The following ITGA8 variants were observed in gnomAD, a reference collection of about 807,000 sequenced individuals.
ITGA8 encodes integrin subunit alpha 8.
Under a neutral mutation model 142.3 loss-of-function variants are expected in ITGA8, and 91 were observed. The ratio of observed to expected loss-of-function variants is 0.64; its 90% CI spans 0.54 to 0.76. The LOEUF is 0.76. Ranked by LOEUF, ITGA8 falls within the 30% of genes least tolerant of loss-of-function variation. The pLI is 0.00. For synonymous variants in ITGA8, 505 were observed against 485.2 expected, an observed-to-expected ratio of 1.04 and a Z score of -0.54; for missense variants, 1,406 against 1,327.7, an observed-to-expected ratio of 1.06 and a Z score of -0.92.
intron 2 of ITGA8, among the ~76,000 whole-genome samples, chr10:15,690,037 G>A (rs903176796): frequency 2.6e-5 from 4 of 152,110 alleles, no homozygotes; most frequent in East Asian, 2.0e-4. Context: ...ACTCGAGCCC[G>A]TGCTTTGCCC....
chr10:15,552,584 T>C (rs1355717434), intron 26 of ITGA8, among the ~76,000 whole-genome samples: 1 of 152,274 alleles, frequency 6.6e-6, no homozygotes, highest in African/African-American at 2.4e-5. Context: ...GTACAGAATG[T>C]GCAGGTTTGT....
chr10:15,691,041 A>T (rs1834924284), intron 2 of ITGA8, among the ~76,000 whole-genome samples: 1 of 152,250 alleles, frequency 6.6e-6, no homozygotes, highest in African/African-American at 2.4e-5. Context: ...GCCTGGACAG[A>T]TATTTTATGA....
intron 25 of ITGA8, among the ~76,000 whole-genome samples, chr10:15,568,896 G>A (rs1428170391): frequency 6.6e-6 from 1 of 152,214 alleles, no homozygotes; most frequent in Non-Finnish European, 1.5e-5. Flanking sequence ...AAATTAGGAA[G>A]TATGTGGGAA....
chr10:15,594,284 T>C lies in ITGA8; in HGVS notation c.2212-1980A>G, dbSNP rs532837401. Among the ~76,000 whole-genome samples, 488 of 152,228 alleles carry C rather than the reference T, an allele frequency of 3.2e-3. 4 individuals are homozygous for C. Among genetic ancestry groups the C allele is most frequent in the African/African-American group, 0.011 (460 of 41,530 alleles). On this transcript the variant is annotated intron_variant, in intron 21 of 29. Coordinates refer to ENST00000378076, the MANE Select transcript of ITGA8 (RefSeq NM_003638.3). Reference sequence around the variant, plus strand: ...AAATCTTGGGACAGGAGATATCTCCTGCAATACATTCTCTGATTCTATGGG... The same window carrying C: ...AAATCTTGGGACAGGAGATATCTCCCGCAATACATTCTCTGATTCTATGGG...
At chr10:15,573,641 G>T (rs903564862) in intron 24 of ITGA8, among the ~76,000 whole-genome samples, 2 of 152,012 alleles carry the variant, frequency 1.3e-5, no homozygotes, top group Admixed American at 1.3e-4. Context: ...CTTTTGAAAA[G>T]GCTTTATTGT....
chr10:15,655,672 A>G (rs1426782663), intron 10 of ITGA8, among the ~76,000 whole-genome samples: 2 of 152,162 alleles, frequency 1.3e-5, no homozygotes, highest in South Asian at 2.1e-4. Flanking sequence ...GGACACAGCT[A>G]TCGGAATGTT....
intron 2 of ITGA8, among the ~76,000 whole-genome samples, chr10:15,699,968 C>G (rs1238942750): frequency 6.6e-6 from 1 of 152,066 alleles, no homozygotes; most frequent in East Asian, 1.9e-4. Context: ...CTGTGAAGTG[C>G]CAGTTTATAT....
At position 15,707,914 on chromosome 10, in the gene ITGA8, A is replaced by G. The variant is rs12245908; in HGVS notation, c.343+10852T>C. On this transcript the variant is annotated intron_variant, in intron 2 of 29. Coordinates refer to ENST00000378076, the MANE Select transcript of ITGA8 (RefSeq NM_003638.3). Reference sequence around the variant, plus strand: ...CATGTGGTAATTTGTCATAGTAGCAATGGAAAGCAAATGGCCTGCCCAAGC... The same window carrying G: ...CATGTGGTAATTTGTCATAGTAGCAGTGGAAAGCAAATGGCCTGCCCAAGC... 3.0e-3 allele frequency among the ~76,000 whole-genome samples: 450 copies of G among 151,986 alleles called. 4 individuals are homozygous for G. Among genetic ancestry groups the G allele is most frequent in the African/African-American group, 0.01 (435 of 41,460 alleles).
At chr10:15,519,536 A>G in intron 28 of ITGA8, 124 bp from the exon 29 acceptor site, 1 of 1,031,882 alleles carries the variant, frequency 9.7e-7, no homozygotes, top group Non-Finnish European at 1.5e-6. Flanking sequence ...GAAATCATCT[A>G]GGGGATATTT....
At chr10:15,517,980 T>C (rs1489764403) in intron 29 of ITGA8, among the ~76,000 whole-genome samples, 1 of 152,132 alleles carries the variant, frequency 6.6e-6, no homozygotes, top group Non-Finnish European at 1.5e-5. Flanking sequence ...TAGAAAGAAG[T>C]GAAGAGATGG....
intron 28 of ITGA8, among the ~76,000 whole-genome samples, chr10:15,522,171 GT>G: frequency 6.6e-6 from 1 of 152,258 alleles, no homozygotes; most frequent in East Asian, 1.9e-4. Flanking sequence ...ATCACTATAC[GT>G]TATGTGCACG....
intron 3 of ITGA8, among the ~76,000 whole-genome samples, chr10:15,685,329 G>A (rs1834815761): frequency 6.6e-6 from 1 of 152,150 alleles, no homozygotes; most frequent in Non-Finnish European, 1.5e-5. Context: ...GAAACAAAAT[G>A]TCCTATGCTT....
chr10:15,575,743 G>A, intron 23 of ITGA8, 149 bp from the exon 24 acceptor site: 1 of 624,558 alleles, frequency 1.6e-6, no homozygotes, highest in East Asian at 3.0e-5. Context: ...TGAAAGTGAT[G>A]TACAGTAGAA....
At chr10:15,685,112 A>G (rs973623926) in intron 3 of ITGA8, among the ~76,000 whole-genome samples, 31 of 152,358 alleles carry the variant, frequency 2.0e-4, no homozygotes, top group African/African-American at 7.5e-4. Flanking sequence ...CAAAGTCAGT[A>G]AGAGAGCATG....
chr10:15,586,909 A>G (rs1832842232), intron 22 of ITGA8, among the ~76,000 whole-genome samples: 1 of 152,118 alleles, frequency 6.6e-6, no homozygotes. Context: ...TACAATAGAT[A>G]TCTAAAGAAA....
At chr10:15,670,875 G>T (rs1036357156) in intron 8 of ITGA8, among the ~76,000 whole-genome samples, 1 of 152,088 alleles carries the variant, frequency 6.6e-6, no homozygotes, top group African/African-American at 2.4e-5. Context: ...CAGTCAAGCT[G>T]AGGTCCTTCA....
In ITGA8 at chr10:15,654,444, TAGAA is replaced by T. The variant is rs746226602; in HGVS notation, c.1001+906_1001+909del. ...AAGTTTATGTTCAATGAAAGAATAA[TAGAA>T]AGATATTTCCCAGCAGGTACAAAAG... is the stretch of plus-strand genomic sequence containing the variant. On this transcript the variant is annotated intron_variant, in intron 11 of 29. Coordinates refer to ENST00000378076, the MANE Select transcript of ITGA8 (RefSeq NM_003638.3). 1.6e-4 allele frequency among the ~76,000 whole-genome samples: 25 copies of T among 152,298 alleles called. No homozygotes were observed. The East Asian group carries it at 2.9e-3, about 18-fold the overall frequency.
At chr10:15,605,662 C>G (rs1440502705) in intron 19 of ITGA8, 62 bp downstream of exon 19, 8 of 1,358,774 alleles carry the variant, frequency 5.9e-6, no homozygotes, top group African/African-American at 2.9e-5. Context: ...TCCAGAGAAC[C>G]TTTACATAAA....
At chr10:15,625,203 C>A (rs1481110394) in intron 13 of ITGA8, among the ~76,000 whole-genome samples, 3 of 152,162 alleles carry the variant, frequency 2.0e-5, no homozygotes, top group Admixed American at 6.5e-5. Context: ...TAGGTTGCAA[C>A]ATTCTAATTT....
Sources: allele counts gnomAD v4.1 joint callset (sites outside exome capture counted in the v4.1 genomes callset), GRCh38; gene constraint gnomAD v4.1.1; transcripts MANE v1.5; gene names NCBI Gene and HGNC (gene_info 2026-07-23, HGNC 2026-07-21).